Variants in PANX1 observed in about 807,000 individuals in gnomAD.
PANX1 encodes pannexin-1.
PANX1 carries 30 observed loss-of-function variants against 38.7 expected under a neutral mutation model. The ratio of observed to expected loss-of-function variants is 0.78; its 90% CI spans 0.58 to 1.05. The LOEUF (loss-of-function observed/expected upper bound fraction) is 1.05, where lower values mean the gene tolerates loss of function less well. PANX1 is among the 50% of genes least tolerant of loss of function. The pLI is 0.00. For synonymous variants in PANX1, 230 were observed against 212.2 expected, an observed-to-expected ratio of 1.08 and a Z score of -0.73; for missense variants, 551 against 517.2, an observed-to-expected ratio of 1.07 and a Z score of -0.63.
At chr11:94,165,450 C>G (rs921327751) in intron 2 of PANX1, among the ~76,000 whole-genome samples, 6 of 152,118 alleles carry the variant, frequency 3.9e-5, no homozygotes, top group African/African-American at 1.4e-4. Flanking sequence ...ATGACAGGAT[C>G]AAATTCACAC....
At chr11:94,175,917 C>T in intron 2 of PANX1, 1 of 984,196 alleles carries the variant, frequency 1.0e-6, no homozygotes, top group Non-Finnish European at 1.2e-6. Context: ...GTTTTGGGGT[C>T]ATTTGTGCTT....
intron 1 of PANX1, among the ~76,000 whole-genome samples, chr11:94,131,895 A>G (rs181026108): frequency 2.4e-4 from 36 of 152,250 alleles, no homozygotes; most frequent in African/African-American, 8.7e-4. Flanking sequence ...AGAATGAAGT[A>G]ATTGAAATGG....
At chr11:94,164,525 T>G (rs542499373) in intron 2 of PANX1, among the ~76,000 whole-genome samples, 8 of 152,344 alleles carry the variant, frequency 5.3e-5, no homozygotes, top group African/African-American at 1.9e-4. Context: ...TGTCATTGAT[T>G]TCTGACCTTG....
intron 1 of PANX1, among the ~76,000 whole-genome samples, chr11:94,134,774 G>T (rs924421919): frequency 6.6e-6 from 1 of 151,826 alleles, no homozygotes; most frequent in African/African-American, 2.4e-5. Context: ...GTGTGAGCAC[G>T]CTGGGAGAAG....
At chr11:94,176,671 C>G (rs767789959) in intron 2 of PANX1, among the ~76,000 whole-genome samples, 1 of 151,742 alleles carries the variant, frequency 6.6e-6, no homozygotes, top group Admixed American at 6.5e-5. Context: ...TGTCAACTTA[C>G]GGCCATCATG....
At chr11:94,144,610 A>G (rs756619162) in intron 1 of PANX1, among the ~76,000 whole-genome samples, 2 of 152,146 alleles carry the variant, frequency 1.3e-5, no homozygotes, top group Non-Finnish European at 2.9e-5. Context: ...GCTCGGGACC[A>G]GGTTTCTGGG....
At chr11:94,148,536 C>T (rs1946851073) in intron 1 of PANX1, among the ~76,000 whole-genome samples, 1 of 152,138 alleles carries the variant, frequency 6.6e-6, no homozygotes, top group Admixed American at 6.5e-5. Context: ...ACCACACATT[C>T]AGGGTCCTCT....
At chr11:94,166,330 C>T (rs1474657186) in intron 2 of PANX1, among the ~76,000 whole-genome samples, 3 of 152,172 alleles carry the variant, frequency 2.0e-5, no homozygotes, top group Non-Finnish European at 4.4e-5. Flanking sequence ...TACCATGTCT[C>T]GTAAGACAGT....
intron 3 of PANX1, 40 bp from the exon 4 acceptor site, chr11:94,179,562 G>C: frequency 6.8e-7 from 1 of 1,481,426 alleles, no homozygotes; most frequent in Non-Finnish European, 9.4e-7. Context: ...TGATGGTCTT[G>C]ATGAGTGCCT....
chr11:94,141,192 G>A (rs1287248793), intron 1 of PANX1, among the ~76,000 whole-genome samples: 1 of 152,188 alleles, frequency 6.6e-6, no homozygotes, highest in Non-Finnish European at 1.5e-5. Flanking sequence ...GACAAAAGTT[G>A]TGCACATTTT....
At chr11:94,162,770 T>G (rs1471044518) in intron 2 of PANX1, among the ~76,000 whole-genome samples, 1 of 151,958 alleles carries the variant, frequency 6.6e-6, no homozygotes, top group Non-Finnish European at 1.5e-5. Context: ...ATCCGGTTCC[T>G]CAGTTGGAAA....
At chr11:94,159,060 T>G (rs895408166) in intron 2 of PANX1, among the ~76,000 whole-genome samples, 7 of 152,254 alleles carry the variant, frequency 4.6e-5, no homozygotes, top group African/African-American at 1.7e-4. Flanking sequence ...TTTATTGATT[T>G]GCGTATGTTG....
intron 2 of PANX1, among the ~76,000 whole-genome samples, chr11:94,160,975 C>T (rs189891741): frequency 1.1e-4 from 16 of 152,252 alleles, no homozygotes; most frequent in Admixed American, 2.6e-4. Context: ...ATTTCTCCTT[C>T]GCTTATGAAG....
intron 2 of PANX1, among the ~76,000 whole-genome samples, chr11:94,170,597 G>T (rs750100294): frequency 1.4e-4 from 22 of 151,732 alleles, no homozygotes; most frequent in Middle Eastern, 3.2e-3. Flanking sequence ...AAGATGAAAA[G>T]GTTTTCTTGT....
At chr11:94,165,366 CT>C (rs1169922017) in intron 2 of PANX1, among the ~76,000 whole-genome samples, 3 of 148,682 alleles carry the variant, frequency 2.0e-5, no homozygotes, top group Admixed American at 6.7e-5. Context: ...TATTATTATA[CT>C]TTAAGTTTTA....
At chr11:94,169,000 T>C (rs1005604958) in intron 2 of PANX1, among the ~76,000 whole-genome samples, 1 of 151,652 alleles carries the variant, frequency 6.6e-6, no homozygotes, top group African/African-American at 2.4e-5. Context: ...AAGCAGATTT[T>C]GGAGGAAAAT....
intron 1 of PANX1, among the ~76,000 whole-genome samples, chr11:94,132,641 C>T (rs1946643276): frequency 6.6e-6 from 1 of 152,050 alleles, no homozygotes; most frequent in Non-Finnish European, 1.5e-5. Context: ...AGAAAATCAG[C>T]TGTAATTACA....
At chr11:94,164,986 A>G (rs1947087124) in intron 2 of PANX1, among the ~76,000 whole-genome samples, 1 of 152,162 alleles carries the variant, frequency 6.6e-6, no homozygotes, top group Non-Finnish European at 1.5e-5. Flanking sequence ...TGATACATGT[A>G]TAGCTATTCC....
At chr11:94,164,457 C>T (rs1947080566) in intron 2 of PANX1, among the ~76,000 whole-genome samples, 2 of 152,124 alleles carry the variant, frequency 1.3e-5, no homozygotes, top group South Asian at 2.1e-4. Flanking sequence ...TCTTCATTGA[C>T]CCAGTGGTCA....
Sources: allele counts gnomAD v4.1 joint callset (sites outside exome capture counted in the v4.1 genomes callset), GRCh38; gene constraint gnomAD v4.1.1; transcripts MANE v1.5; gene names NCBI Gene and HGNC (gene_info 2026-07-23, HGNC 2026-07-21).